Variants in WDR27 observed in about 807,000 individuals in gnomAD.
WDR27 encodes WD repeat domain 27.
In WDR27, 100 loss-of-function variants were observed where a neutral mutation model predicts 114.4. The observed-to-expected ratio is 0.87, with a 90% CI of 0.74 to 1.03. The LOEUF (loss-of-function observed/expected upper bound fraction) is 1.03, where lower values mean the gene tolerates loss of function less well. Among genes scored for constraint, WDR27 ranks in the 50% least tolerant of loss-of-function variants. WDR27 has a pLI of 0.00. For synonymous variants in WDR27, 449 were observed against 423.1 expected, an observed-to-expected ratio of 1.06 and a Z score of -0.75; for missense variants, 1,129 against 1,092.9, an observed-to-expected ratio of 1.03 and a Z score of -0.47.
At chr6:169,546,725 C>G (rs1256480311) in intron 25 of WDR27, among the ~76,000 whole-genome samples, 1 of 152,164 alleles carries the variant, frequency 6.6e-6, no homozygotes, top group Admixed American at 6.5e-5. Context: ...GGAGCTACCA[C>G]AAAATGAGAA....
rs759746428 is a variant in WDR27 at position 169,670,629 on chromosome 6, G to T, written c.396C>A (p.Ser132Arg). The change falls in exon 4 of 26, where the codon AGC (serine) becomes AGA (arginine). Residue 132 changes from serine to arginine, a missense_variant. Transcript: ENST00000448612. ...ACACGGCAACAACATGATCATCCAG[G>T]CTCAACTGTAAACACAGCACCTTTC... ...LLGKVLCLQL[S>R]LDDHVVAVCA... 6.2e-7 allele frequency: 1 copy of T among 1,613,890 alleles called. No individual in the cohort carries two copies. Among genetic ancestry groups the T allele is most frequent in the African/African-American group, 1.3e-5 (1 of 75,000 alleles).
chr6:169,699,866 C>T (rs1179948485), intron 1 of WDR27, among the ~76,000 whole-genome samples: 1 of 152,084 alleles, frequency 6.6e-6, no homozygotes, highest in Non-Finnish European at 1.5e-5. Context: ...CTTGTAGCCC[C>T]AGCTGCTGGG....
intron 24 of WDR27, among the ~76,000 whole-genome samples, chr6:169,581,841 G>A (rs1292889520): frequency 6.6e-5 from 10 of 152,200 alleles, no homozygotes; most frequent in Non-Finnish European, 1.3e-4. Context: ...GTGGAGTGCC[G>A]TTCCACCTGG....
intron 24 of WDR27, among the ~76,000 whole-genome samples, chr6:169,576,224 CTGCTG>C (rs1263879754): frequency 2.0e-5 from 3 of 152,028 alleles, no homozygotes; most frequent in African/African-American, 7.2e-5. Context: ...ACTATCCACT[CTGCTG>C]GGCTGGGCTG....
intron 21 of WDR27, among the ~76,000 whole-genome samples, chr6:169,629,264 T>C (rs6936341): frequency 0.029 from 4,360 of 152,300 alleles, 155 homozygotes; most frequent in African/African-American, 0.085. Flanking sequence ...TCCGAAATTA[T>C]ATTTTGCATT....
the WDR27 span, among the ~76,000 whole-genome samples, chr6:169,437,954 T>C: frequency 6.6e-6 from 1 of 152,136 alleles, no homozygotes; most frequent in Non-Finnish European, 1.5e-5. Context: ...AGGTTTGTTA[T>C]ATGGGTATAC....
At chr6:169,604,675 A>G (rs917810081) in intron 22 of WDR27, among the ~76,000 whole-genome samples, 3 of 152,192 alleles carry the variant, frequency 2.0e-5, no homozygotes, top group Non-Finnish European at 4.4e-5. Flanking sequence ...AAGATCCCTG[A>G]TGAACATAAA....
At chr6:169,449,005 T>C in the WDR27 span, among the ~76,000 whole-genome samples, 2 of 152,202 alleles carry the variant, frequency 1.3e-5, no homozygotes, top group Admixed American at 1.3e-4. Flanking sequence ...TATCACTAGC[T>C]GGCATATAAG....
chr6:169,485,450 A>G (rs1008799589), intron 25 of WDR27, among the ~76,000 whole-genome samples: 10 of 152,214 alleles, frequency 6.6e-5, no homozygotes, highest in African/African-American at 2.2e-4. Context: ...GCAAATCAAG[A>G]TCACAATGAG....
At chr6:169,526,505 C>T (rs1794986816) in intron 25 of WDR27, among the ~76,000 whole-genome samples, 1 of 151,912 alleles carries the variant, frequency 6.6e-6, no homozygotes, top group Non-Finnish European at 1.5e-5. Context: ...CCCAGCTACT[C>T]GGGAGGCTGA....
At chr6:169,602,712 T>C (rs935504661) in intron 22 of WDR27, among the ~76,000 whole-genome samples, 2 of 152,186 alleles carry the variant, frequency 1.3e-5, no homozygotes, top group Non-Finnish European at 2.9e-5. Context: ...GGTGGTTAAG[T>C]TTCACAACTA....
chr6:169,598,060 T>C (rs1250357300), intron 23 of WDR27, among the ~76,000 whole-genome samples: 1 of 152,146 alleles, frequency 6.6e-6, no homozygotes, highest in Non-Finnish European at 1.5e-5. Context: ...AAACCAGGGT[T>C]TGTGTAGTAG....
chr6:169,451,325 G>A, the WDR27 span, among the ~76,000 whole-genome samples: 1 of 152,132 alleles, frequency 6.6e-6, no homozygotes, highest in South Asian at 2.1e-4. Flanking sequence ...TAGAACCAAT[G>A]TACATCATAC....
intron 17 of WDR27, among the ~76,000 whole-genome samples, chr6:169,640,732 C>T (rs1036938996): frequency 6.6e-6 from 1 of 152,268 alleles, no homozygotes; most frequent in African/African-American, 2.4e-5. Context: ...CCTGACGTAT[C>T]TGCCCGGTGA....
chr6:169,681,660 C>T (rs1781550247), intron 2 of WDR27, among the ~76,000 whole-genome samples: 1 of 152,212 alleles, frequency 6.6e-6, no homozygotes, highest in Admixed American at 6.5e-5. Context: ...AGGCAATGAA[C>T]CTGAAAGCTG....
At chr6:169,567,683 G>A (rs891496128) in intron 25 of WDR27, among the ~76,000 whole-genome samples, 8 of 152,132 alleles carry the variant, frequency 5.3e-5, no homozygotes, top group African/African-American at 1.2e-4. Flanking sequence ...TGTACTGCCG[G>A]GAAGAAATTT....
chr6:169,442,162 C>A, the WDR27 span, among the ~76,000 whole-genome samples: 1 of 152,222 alleles, frequency 6.6e-6, no homozygotes, highest in African/African-American at 2.4e-5. Context: ...AATGGATCCT[C>A]ATCTCTGTTT....
intron 24 of WDR27, among the ~76,000 whole-genome samples, chr6:169,581,237 C>T (rs1803367233): frequency 1.3e-5 from 2 of 152,132 alleles, no homozygotes; most frequent in South Asian, 4.1e-4. Flanking sequence ...TTCTGTCAGT[C>T]AGGCTGAAAG....
At chr6:169,698,411 C>T (rs1023291610) in intron 1 of WDR27, among the ~76,000 whole-genome samples, 1 of 152,198 alleles carries the variant, frequency 6.6e-6, no homozygotes, top group African/African-American at 2.4e-5. Context: ...CACACCGACA[C>T]ACACACACAC....
Sources: allele counts gnomAD v4.1 joint callset (sites outside exome capture counted in the v4.1 genomes callset), GRCh38; gene constraint gnomAD v4.1.1; transcripts MANE v1.5; gene names NCBI Gene and HGNC (gene_info 2026-07-23, HGNC 2026-07-21).